Variants in ARVCF observed in about 807,000 individuals in gnomAD.
The protein encoded by ARVCF is splicing regulator ARVCF.
In ARVCF, 66 loss-of-function variants were observed where a neutral mutation model predicts 90.9. That is an observed-to-expected ratio of 0.73 (90% confidence interval 0.60 to 0.89). The LOEUF (loss-of-function observed/expected upper bound fraction) is 0.89, where lower values mean the gene tolerates loss of function less well. Ranked by LOEUF, ARVCF falls within the 40% of genes least tolerant of loss-of-function variation. ARVCF has a pLI of 0.00. For missense variants in ARVCF, 1,469 were observed against 1,382.3 expected, an observed-to-expected ratio of 1.06 and a Z score of -1.00; for synonymous variants, 653 against 603.4, an observed-to-expected ratio of 1.08 and a Z score of -1.21.
At chr22:19,980,360 G>A in intron 5 of ARVCF, 118 bp from the exon 6 acceptor site, 2 of 1,375,234 alleles carry the variant, frequency 1.5e-6, no homozygotes, top group South Asian at 1.6e-5. Context: ...TGGGCTGAGA[G>A]CACCTGTATC....
intron 8 of ARVCF, 44 bp downstream of exon 8, chr22:19,977,914 G>A (rs201859126): frequency 1.4e-5 from 22 of 1,545,514 alleles, no homozygotes; most frequent in African/African-American, 1.1e-4. Flanking sequence ...CTGCATGATC[G>A]TCTCTCCAGC....
intron 2 of ARVCF, among the ~76,000 whole-genome samples, chr22:20,004,026 G>T (rs956568939): frequency 6.6e-6 from 1 of 152,058 alleles, no homozygotes; most frequent in Non-Finnish European, 1.5e-5. Flanking sequence ...CAGCAAAGGT[G>T]CAGGATAAAA....
intron 2 of ARVCF, among the ~76,000 whole-genome samples, chr22:19,998,758 G>A (rs1000794045): frequency 6.6e-6 from 1 of 152,220 alleles, no homozygotes; most frequent in South Asian, 2.1e-4. Flanking sequence ...GGGACAGGAA[G>A]TCCTCCGTGG....
intron 13 of ARVCF, 113 bp downstream of exon 13, chr22:19,973,530 A>T: frequency 6.7e-7 from 1 of 1,484,310 alleles, no homozygotes; most frequent in South Asian, 1.3e-5. Flanking sequence ...CGCCCAAGCG[A>T]GAGGGCCGGG....
chr22:19,985,531 A>G (rs1943721241), intron 3 of ARVCF, among the ~76,000 whole-genome samples: 1 of 152,238 alleles, frequency 6.6e-6, no homozygotes, highest in African/African-American at 2.4e-5. Flanking sequence ...GGAGGTGAGA[A>G]GGACAGAGGG....
At chr22:19,987,379 C>A (rs1269386666) in intron 3 of ARVCF, among the ~76,000 whole-genome samples, 1 of 143,004 alleles carries the variant, frequency 7.0e-6, no homozygotes, top group Non-Finnish European at 1.5e-5. Flanking sequence ...CCTGTCCCCC[C>A]ACTTCCCACC....
At position 19,982,050 on chromosome 22, in the gene ARVCF, C is replaced by T. The variant is rs1238648026; in HGVS notation, c.252G>A (p.Pro84=). The part of the protein sequence containing the change: ...PGSQASLATM[P]EAPDVLEETV... ...TCTCCTCCAGCACATCAGGTGCCTCCGGCATCGTGGCCAGTGAGGCCTGGC... is the reference window on the plus strand; with the variant it reads ...TCTCCTCCAGCACATCAGGTGCCTCTGGCATCGTGGCCAGTGAGGCCTGGC... The change falls in exon 4 of 20, where the codon CCG becomes CCA. Residue 84 remains proline (P), a synonymous_variant. Coordinates refer to ENST00000263207, the MANE Select transcript of ARVCF (RefSeq NM_001670.3). 21 of 1,612,754 alleles carry T rather than the reference C, an allele frequency of 1.3e-5. No homozygotes were observed. The highest frequency in any genetic ancestry group is 2.2e-5 in the East Asian group (1 of 44,882).
In ARVCF at chr22:19,973,143, G is replaced by A. The variant is rs115736959; in HGVS notation, c.2414C>T (p.Ala805Val). The A allele has an allele frequency of 2.4e-3, 3,623 of 1,495,906 alleles. 82 individuals are homozygous for A. The African/African-American group carries it at 0.046, about 19-fold the overall frequency. The allele number at this position is 1,495,906 out of a possible 1,614,324, so 92.7% of individuals were successfully genotyped here. Reference sequence around the variant, plus strand: ...CCTGGAGGCCACGAGAGCCACCAACGCTGGCACCCCGCGTGCCTGCAGGAG... The same window carrying A: ...CCTGGAGGCCACGAGAGCCACCAACACTGGCACCCCGCGTGCCTGCAGGAG... Reference protein sequence around the residue: ...RSLLQARGVPALVALVASSQS... With the variant: ...RSLLQARGVPVLVALVASSQS... The change falls in exon 14 of 20, where the codon GCG becomes GTG. Residue 805 changes from alanine to valine, a missense_variant. Physicochemically the swap from Ala to Val is moderately conservative, Grantham distance 64. Coordinates refer to ENST00000263207, the MANE Select transcript of ARVCF (RefSeq NM_001670.3).
At chr22:19,974,590 T>C (rs570519814) in intron 11 of ARVCF, among the ~76,000 whole-genome samples, 1 of 152,050 alleles carries the variant, frequency 6.6e-6, no homozygotes, top group East Asian at 1.9e-4. Flanking sequence ...ACGCCCCTGG[T>C]AATAGGGCCC....
chr22:19,967,720 G>A (rs1289605902), downstream of ARVCF: 3 of 260,470 alleles, frequency 1.2e-5, no homozygotes, highest in Admixed American at 1.5e-4. Flanking sequence ...TTTGTTTGGT[G>A]ACTAAGTCAA....
At chr22:20,001,297 G>A (rs115939517) in intron 2 of ARVCF, among the ~76,000 whole-genome samples, 1,787 of 152,234 alleles carry the variant, frequency 0.012, 41 homozygotes, top group African/African-American at 0.041. Context: ...GGGAGTGGCT[G>A]GGCCTGCAGA....
intron 2 of ARVCF, among the ~76,000 whole-genome samples, chr22:20,002,317 CCTCT>C (rs771264801): frequency 3.3e-5 from 5 of 152,114 alleles, no homozygotes; most frequent in Non-Finnish European, 7.4e-5. Context: ...GAAGCCTGGG[CCTCT>C]CTCTATACCA....
At chr22:20,007,438 G>A (rs1477854870) in intron 2 of ARVCF, among the ~76,000 whole-genome samples, 1 of 152,200 alleles carries the variant, frequency 6.6e-6, no homozygotes, top group Non-Finnish European at 1.5e-5. Flanking sequence ...TTCAGATGCA[G>A]CTGTAAAAAC....
At chr22:20,008,473 C>A (rs2146487751) in intron 2 of ARVCF, among the ~76,000 whole-genome samples, 1 of 152,374 alleles carries the variant, frequency 6.6e-6, no homozygotes, top group East Asian at 1.9e-4. Flanking sequence ...GCCACTGGTT[C>A]CTCTGTGTGT....
intron 2 of ARVCF, among the ~76,000 whole-genome samples, chr22:19,997,541 C>G (rs1487552924): frequency 2.6e-5 from 4 of 152,200 alleles, no homozygotes; most frequent in Non-Finnish European, 5.9e-5. Context: ...AATGCCCTTC[C>G]TGTGCCTGAC....
Position 19,973,317 on chromosome 22 carries a change from C to G in ARVCF, c.2240G>C (p.Gly747Ala). 6.3e-7 allele frequency: 1 copy of G among 1,593,960 alleles called. No homozygotes were observed. Among genetic ancestry groups the G allele is most frequent in the Non-Finnish European group, 8.5e-7 (1 of 1,175,084 alleles). The change falls in exon 14 of 20, where the codon GGG becomes GCG. Residue 747 changes from glycine (G) to alanine (A), a missense_variant and splice_region_variant. By Grantham distance (60) the Gly-to-Ala change is moderately conservative. Transcript: ENST00000263207. ...CACAAGCTCAGCCATGGCGTAGCTCCCTGAGGGGCAGGACTAGGTGTCAGA... is the reference window on the plus strand; with the variant it reads ...CACAAGCTCAGCCATGGCGTAGCTCGCTGAGGGGCAGGACTAGGTGTCAGA... Reference protein sequence around the residue: ...SLDRRNKDLIGSYAMAELVRN... With the variant: ...SLDRRNKDLIASYAMAELVRN...
chr22:19,967,496 C>T (rs147632723), downstream of ARVCF: 90 of 425,086 alleles, frequency 2.1e-4, 1 homozygote, highest in East Asian at 1.3e-3. Context: ...ACCTTGCAGC[C>T]GTGTGGTGTC....
At position 19,981,246 on chromosome 22, in the gene ARVCF, C is replaced by A; in HGVS notation, c.861G>T (p.Arg287Ser). 6.4e-7 allele frequency: 1 copy of A among 1,558,064 alleles called. No individual in the cohort carries two copies. Residue 287 changes from arginine (R) to serine (S), a missense_variant, in exon 5 of 20, where the codon AGG becomes AGT. Arg to Ser is a moderately radical substitution (Grantham distance 110). Coordinates refer to ENST00000263207, the MANE Select transcript of ARVCF (RefSeq NM_001670.3). ...GGCCCCGCCCACACTCAGGCCTCCT[C>A]CTTGTGGCCGTGCCATAGTCAGGCT... ...ELEPDYGTAT[R>S]RRPECGRGLH... is the part of the protein sequence containing the mutation.
intron 7 of ARVCF, among the ~76,000 whole-genome samples, 159 bp from the exon 8 acceptor site, chr22:19,978,234 G>A (rs1217672092): frequency 6.6e-6 from 1 of 152,172 alleles, no homozygotes; most frequent in African/African-American, 2.4e-5. Flanking sequence ...CAGTGAAGGG[G>A]GAGAAGCTAA....
Sources: gnomAD v4.1 joint callset for allele counts (sites outside exome capture counted in the v4.1 genomes callset) on GRCh38, gnomAD v4.1.1 for gene constraint, MANE v1.5 for transcripts, NCBI Gene and HGNC (gene_info 2026-07-23, HGNC 2026-07-21) for gene names.